DLC1: variants seen among roughly 807,000 people sequenced by gnomAD.
DLC1 encodes rho GTPase-activating protein 7.
DLC1 carries 54 observed loss-of-function variants against 140.3 expected under a neutral mutation model. The observed-to-expected ratio is 0.38, with a 90% CI of 0.31 to 0.48. The LOEUF (loss-of-function observed/expected upper bound fraction) is 0.48. DLC1 is among the 20% of genes least tolerant of loss of function. The pLI is 0.96. For missense variants in DLC1, 2,536 were observed against 1,907.0 expected (o/e 1.33, Z -6.14); for synonymous variants, 986 against 728.1 (o/e 1.35, Z -5.70).
intron 5 of DLC1, among the ~76,000 whole-genome samples, chr8:13,127,702 C>G (rs77074497): frequency 0.034 from 5,158 of 152,294 alleles, 136 homozygotes; most frequent in Non-Finnish European, 0.045. Flanking sequence ...GTGCTGCCAG[C>G]CTGGGAAATG....
At chr8:13,349,048 A>G (rs927119325) in intron 4 of DLC1, among the ~76,000 whole-genome samples, 3 of 152,252 alleles carry the variant, frequency 2.0e-5, no homozygotes, top group Non-Finnish European at 4.4e-5. Context: ...CTCCAACCCC[A>G]GGCTGCACAG....
chr8:13,212,541 C>T (rs1827998541), intron 5 of DLC1, among the ~76,000 whole-genome samples: 1 of 152,030 alleles, frequency 6.6e-6, no homozygotes, highest in African/African-American at 2.4e-5. Flanking sequence ...TTTGGTATTG[C>T]TCTGGGCACT....
intron 1 of DLC1, among the ~76,000 whole-genome samples, chr8:13,526,663 A>T (rs573504768): frequency 6.6e-6 from 1 of 152,330 alleles, no homozygotes; most frequent in South Asian, 2.1e-4. Context: ...TGAGCAAACT[A>T]TCGCAAGGAC....
chr8:13,421,092 A>G (rs1838301562), intron 2 of DLC1, among the ~76,000 whole-genome samples: 1 of 152,162 alleles, frequency 6.6e-6, no homozygotes, highest in Admixed American at 6.6e-5. Context: ...TTCCTCGTTA[A>G]TCTTTTCTTA....
chr8:13,566,946 C>A (rs911488627), intron 1 of DLC1: 11 of 1,495,320 alleles, frequency 7.4e-6, no homozygotes, highest in Middle Eastern at 3.5e-4. Flanking sequence ...CTGAGCCAGT[C>A]TTAACCTGGG....
At chr8:13,133,269 C>T (rs1456644208) in intron 5 of DLC1, 4 of 1,331,370 alleles carry the variant, frequency 3.0e-6, no homozygotes, top group Non-Finnish European at 3.8e-6. Context: ...AGCGCCCTCG[C>T]TCGGGCAGTC....
At chr8:13,169,178 A>G (rs188234916) in intron 5 of DLC1, among the ~76,000 whole-genome samples, 1 of 152,136 alleles carries the variant, frequency 6.6e-6, no homozygotes, top group Admixed American at 6.5e-5. Flanking sequence ...AACATTACTC[A>G]TTTTTAACCT....
chr8:13,413,467 C>CA (rs1460445063), intron 2 of DLC1, among the ~76,000 whole-genome samples: 5 of 145,000 alleles, frequency 3.4e-5, no homozygotes, highest in African/African-American at 1.0e-4. Context: ...ACATCCAATG[C>CA]AAAATTATTT....
chr8:13,315,523 G>A (rs993254759), intron 4 of DLC1, among the ~76,000 whole-genome samples: 1 of 152,230 alleles, frequency 6.6e-6, no homozygotes, highest in Admixed American at 6.5e-5. Flanking sequence ...GTGTCAGAAA[G>A]ACAGGTTAAT....
intron 1 of DLC1, among the ~76,000 whole-genome samples, chr8:13,564,668 C>G (rs957176025): frequency 1.3e-5 from 2 of 152,138 alleles, no homozygotes; most frequent in Non-Finnish European, 2.9e-5. Context: ...GAAAGGAAAG[C>G]AAGAGAGAAG....
intron 5 of DLC1, among the ~76,000 whole-genome samples, chr8:13,258,334 G>C (rs1201498595): frequency 2.6e-5 from 4 of 152,184 alleles, no homozygotes; most frequent in Non-Finnish European, 5.9e-5. Flanking sequence ...ATACAGAGAA[G>C]TACAGGAAAG....
At chr8:13,364,598 G>T (rs557315383) in intron 4 of DLC1, among the ~76,000 whole-genome samples, 1 of 152,236 alleles carries the variant, frequency 6.6e-6, no homozygotes, top group East Asian at 1.9e-4. Flanking sequence ...CAGCAGGCCT[G>T]CATAATGATA....
At chr8:13,337,111 A>T (rs911921592) in intron 4 of DLC1, among the ~76,000 whole-genome samples, 1 of 152,168 alleles carries the variant, frequency 6.6e-6, no homozygotes, top group Admixed American at 6.5e-5. Context: ...TGCCTTTAGC[A>T]TAGACGTAAA....
In DLC1 at chr8:13,274,759, T is replaced by C. The variant is rs17128164; in HGVS notation, c.1348+30510A>G. On this transcript the variant is annotated intron_variant, in intron 5 of 17. Transcript: ENST00000276297. ...GTTTGAATTAGTCTTACTTTCAAAT[T>C]AAAACATTAAACCACAACAAGATAT... 8.6e-3 allele frequency among the ~76,000 whole-genome samples: 1,310 copies of C among 152,330 alleles called. 24 individuals carry two copies. Among genetic ancestry groups the C allele is most frequent in the African/African-American group, 0.03 (1,238 of 41,576 alleles).
At chr8:13,366,682 G>T (rs1835495040) in intron 4 of DLC1, among the ~76,000 whole-genome samples, 2 of 152,140 alleles carry the variant, frequency 1.3e-5, no homozygotes, top group Admixed American at 1.3e-4. Flanking sequence ...CCCCTGACTA[G>T]GTCTTCTCTC....
At chr8:13,392,708 C>G (rs1836817619) in intron 4 of DLC1, among the ~76,000 whole-genome samples, 1 of 152,174 alleles carries the variant, frequency 6.6e-6, no homozygotes, top group Non-Finnish European at 1.5e-5. Context: ...GAGTCAAATA[C>G]TATTTTCCTG....
chr8:13,233,037 G>A (rs1373241022), intron 5 of DLC1, among the ~76,000 whole-genome samples: 3 of 152,142 alleles, frequency 2.0e-5, no homozygotes, highest in Admixed American at 2.0e-4. Context: ...CCTCATGCCT[G>A]TAATCCCAGG....
chr8:13,400,833 G>A (rs978224988), intron 3 of DLC1, among the ~76,000 whole-genome samples: 2 of 152,050 alleles, frequency 1.3e-5, no homozygotes, highest in Non-Finnish European at 2.9e-5. Context: ...TAGTAAATAT[G>A]TAAAGCATAT....
intron 4 of DLC1, among the ~76,000 whole-genome samples, chr8:13,343,165 A>G (rs961743612): frequency 6.6e-6 from 1 of 152,188 alleles, no homozygotes. Context: ...AGAAAGGTGA[A>G]TTTATGATTC....
Sources: gnomAD v4.1 joint callset for allele counts (sites outside exome capture counted in the v4.1 genomes callset) on GRCh38, gnomAD v4.1.1 for gene constraint, MANE v1.5 for transcripts, NCBI Gene and HGNC (gene_info 2026-07-23, HGNC 2026-07-21) for gene names.